Variants in TCF12 observed in about 807,000 individuals in gnomAD.
The protein encoded by TCF12 is transcription factor 12.
Under a neutral mutation model 86.0 loss-of-function variants are expected in TCF12, and 45 were observed. The ratio of observed to expected loss-of-function variants is 0.52; its 90% CI spans 0.41 to 0.67. TCF12 has a LOEUF of 0.67. Among genes scored for constraint, TCF12 ranks in the 30% least tolerant of loss-of-function variants. The pLI, the probability that TCF12 is intolerant of heterozygous loss-of-function variation, is 0.00. For synonymous variants in TCF12, 330 were observed against 299.6 expected (o/e 1.10, Z -1.05); for missense variants, 881 against 859.9 (o/e 1.02, Z -0.31).
At chr15:57,089,134 A>G (rs2703589) in intron 4 of TCF12, among the ~76,000 whole-genome samples, 9,078 of 152,230 alleles carry the variant, frequency 0.06, 608 homozygotes, top group African/African-American at 0.17. Flanking sequence ...TTCTCCCAGC[A>G]TCAGTTTGCA....
At chr15:57,193,855 A>G (rs16977287) in intron 7 of TCF12, among the ~76,000 whole-genome samples, 3 of 152,284 alleles carry the variant, frequency 2.0e-5, no homozygotes, top group African/African-American at 7.2e-5. Flanking sequence ...TGGATGATTT[A>G]GTATGTTTAC....
chr15:57,185,688 A>C (rs1253418094), intron 6 of TCF12, among the ~76,000 whole-genome samples: 1 of 152,138 alleles, frequency 6.6e-6, no homozygotes, highest in Non-Finnish European at 1.5e-5. Flanking sequence ...TTCAAGACCA[A>C]CTGGGGCAAC....
At chr15:57,282,891 G>T (rs1227170740) in intron 20 of TCF12, among the ~76,000 whole-genome samples, 1 of 152,174 alleles carries the variant, frequency 6.6e-6, no homozygotes, top group Non-Finnish European at 1.5e-5. Flanking sequence ...GATCCAAGAA[G>T]AAATAGTACA....
chr15:57,055,416 T>C (rs1189957412), intron 3 of TCF12, among the ~76,000 whole-genome samples: 3 of 152,158 alleles, frequency 2.0e-5, no homozygotes, highest in African/African-American at 7.2e-5. Flanking sequence ...ATAATAATAA[T>C]AATGATTATC....
At position 57,108,669 on chromosome 15, in the gene TCF12, G is replaced by C. The variant is rs539538772; in HGVS notation, c.325+16778G>C. 1.8e-4 allele frequency among the ~76,000 whole-genome samples: 27 copies of C among 151,828 alleles called. No homozygotes were observed. In the East Asian group the frequency reaches 4.8e-3, roughly 27 times the overall value. ...TTGGAGGCTCTTGGTGTGGGGGTGA[G>C]GGACATTGTTGGGGGGTAGGAGTGG... On this transcript the variant is annotated intron_variant, in intron 5 of 20. Coordinates refer to ENST00000333725, the MANE Select transcript of TCF12 (RefSeq NM_207037.2).
chr15:57,257,749 G>T (rs574963136), intron 16 of TCF12, among the ~76,000 whole-genome samples: 208 of 151,354 alleles, frequency 1.4e-3, no homozygotes, highest in Non-Finnish European at 2.7e-3. Flanking sequence ...GGACAAGTCA[G>T]TGATCAAGGT....
chr15:57,219,418 T>C (rs1228246897), intron 8 of TCF12: 3 of 1,412,508 alleles, frequency 2.1e-6, no homozygotes, highest in African/African-American at 2.8e-5. Context: ...GATCCATGTG[T>C]GAATGCATAG....
At chr15:56,963,027 C>CTTTTTTTTTTTTT (rs532973260) in intron 3 of TCF12, among the ~76,000 whole-genome samples, 8 of 96,228 alleles carry the variant, frequency 8.3e-5, no homozygotes, top group Non-Finnish European at 1.7e-4. Flanking sequence ...GTGTTAAGGT[C>CTTTTTTTTTTTTT]TTTTTTTTTT....
At chr15:57,056,117 G>GTGTGTA (rs1555492331) in intron 3 of TCF12, among the ~76,000 whole-genome samples, 1 of 338 alleles carries the variant, frequency 3.0e-3, no homozygotes, top group Non-Finnish European at 8.1e-3. Context: ...AGTTTTAGGG[G>GTGTGTA]TGTGTGTGTG....
intron 3 of TCF12, among the ~76,000 whole-genome samples, chr15:56,983,175 CT>C (rs1257825301): frequency 6.6e-6 from 1 of 152,182 alleles, no homozygotes; most frequent in Admixed American, 6.5e-5. Flanking sequence ...CAACTCTGTC[CT>C]GTTACCTTTG....
At chr15:56,980,482 C>T (rs567580017) in intron 3 of TCF12, among the ~76,000 whole-genome samples, 4 of 152,270 alleles carry the variant, frequency 2.6e-5, no homozygotes, top group African/African-American at 9.6e-5. Flanking sequence ...AGGCTGCTGG[C>T]GCCCTTACTG....
chr15:56,952,160 T>A (rs895418286), intron 3 of TCF12, among the ~76,000 whole-genome samples: 33 of 144,808 alleles, frequency 2.3e-4, no homozygotes, highest in Admixed American at 1.2e-3. Flanking sequence ...AATAGTTTAT[T>A]GTTTATAAAA....
chr15:57,199,537 T>C (rs1269575853), intron 8 of TCF12, among the ~76,000 whole-genome samples: 1 of 152,214 alleles, frequency 6.6e-6, no homozygotes, highest in Non-Finnish European at 1.5e-5. Flanking sequence ...TCTTTGATTT[T>C]AAAAGCAGTA....
At chr15:57,245,888 G>A (rs2059834900) in intron 13 of TCF12, among the ~76,000 whole-genome samples, 2 of 152,064 alleles carry the variant, frequency 1.3e-5, no homozygotes, top group Non-Finnish European at 1.5e-5. Context: ...ATTTTAGGCA[G>A]GTGCATCTCT....
intron 3 of TCF12, among the ~76,000 whole-genome samples, chr15:56,945,728 C>A (rs574954939): frequency 1.3e-5 from 2 of 152,204 alleles, no homozygotes; most frequent in South Asian, 4.1e-4. Flanking sequence ...CCAAAGCTCA[C>A]ATTGAAATTT....
intron 5 of TCF12, among the ~76,000 whole-genome samples, chr15:57,141,185 A>G (rs139386379): frequency 3.9e-4 from 59 of 152,186 alleles, no homozygotes; most frequent in African/African-American, 1.4e-3. Flanking sequence ...TTTCAAATGT[A>G]TTTATTTTCT....
At chr15:57,100,146 A>G (rs1420017050) in intron 5 of TCF12, among the ~76,000 whole-genome samples, 2 of 152,138 alleles carry the variant, frequency 1.3e-5, no homozygotes, top group Non-Finnish European at 2.9e-5. Context: ...TCTAGTTCTA[A>G]CCAAGTGAAC....
chr15:57,118,456 A>G (rs2050994877), intron 5 of TCF12: 1 of 151,630 alleles, frequency 6.6e-6, no homozygotes, highest in African/African-American at 2.4e-5. Context: ...CATTTGAAAT[A>G]TCTTTTTTTT....
rs149621019 is a variant in TCF12 at position 57,253,466 on chromosome 15, A to T, written c.1465A>T (p.Met489Leu). 1 of 1,613,976 alleles carries T rather than the reference A, an allele frequency of 6.2e-7. No individual in the cohort carries two copies. Among genetic ancestry groups the T allele is most frequent in the Non-Finnish European group, 8.5e-7 (1 of 1,179,948 alleles). Residue 489 changes from methionine to leucine, a missense_variant and splice_region_variant, in exon 16 of 21, where the codon ATG becomes TTG. By Grantham distance (15) the Met-to-Leu change is conservative. Around this residue, in one of 3 missense-constraint regions of TCF12, gnomAD observed 766 missense variants for 718.9 expected, o/e 1.07. Transcript: ENST00000333725. ...SLVASSRSASMVGTHREDSVS... is the reference protein window; with the variant it reads ...SLVASSRSASLVGTHREDSVS... Reference sequence around the variant, plus strand: ...TGTTGCAAGCAGTCGATCAGCTTCAATGGTAAAATCATGCTCATCTTTTTT... The same window carrying T: ...TGTTGCAAGCAGTCGATCAGCTTCATTGGTAAAATCATGCTCATCTTTTTT...
Sources: allele counts gnomAD v4.1 joint callset (sites outside exome capture counted in the v4.1 genomes callset), GRCh38; gene constraint gnomAD v4.1.1; regional missense constraint gnomAD v4.1.1; transcripts MANE v1.5; gene names NCBI Gene and HGNC (gene_info 2026-07-23, HGNC 2026-07-21).